ST6GALNAC1: variants seen among roughly 807,000 people sequenced by gnomAD.
The protein encoded by ST6GALNAC1 is alpha-N-acetylgalactosaminide alpha-2,6-sialyltransferase 1.
In ST6GALNAC1, 45 loss-of-function variants were observed where a neutral mutation model predicts 56.8. That is an observed-to-expected ratio of 0.79 (90% CI 0.62 to 1.02). The LOEUF (loss-of-function observed/expected upper bound fraction) is 1.02. ST6GALNAC1 is among the 50% of genes least tolerant of loss of function. The pLI, the probability that ST6GALNAC1 is intolerant of heterozygous loss-of-function variation, is 0.00. For missense variants in ST6GALNAC1, 743 were observed against 754.8 expected (o/e 0.98, Z 0.18); for synonymous variants, 295 against 297.8 (o/e 0.99, Z 0.10).
At position 76,643,596 on chromosome 17, in the gene ST6GALNAC1, C is replaced by T. The variant is rs567472790; in HGVS notation, c.43G>A (p.Val15Ile). 8.4e-5 allele frequency: 135 copies of T among 1,614,100 alleles called. No individual in the cohort carries two copies. In the East Asian group the frequency reaches 2.0e-3, roughly 24 times the overall value. Residue 15 changes from valine to isoleucine, a missense_variant, in exon 1 of 9, where the codon GTC (valine) becomes ATC (isoleucine). Physicochemically the swap from Val to Ile is conservative, Grantham distance 29 (BLOSUM62 3). Coordinates refer to ENST00000156626, the MANE Select transcript of ST6GALNAC1 (RefSeq NM_018414.5). ...ACAGCCAGAAGCAAGGACCACTGGA[C>T]GCCTTGGCTCAGGTGCCTGCATCTC... ...LWRCRHLSQG[V>I]QWSLLLAVLV...
chr17:76,629,493 T>C lies in ST6GALNAC1; in HGVS notation c.350A>G (p.His117Arg), dbSNP rs2075861235. The change falls in exon 2 of 9, where the codon CAC (histidine) becomes CGC (arginine). Residue 117 changes from histidine (H) to arginine (R), a missense_variant. Coordinates refer to ENST00000156626, the MANE Select transcript of ST6GALNAC1 (RefSeq NM_018414.5). ...APPEEQDKVP[H>R]TAQRAAWKSP... is the part of the protein sequence containing the mutation. ...CTTCCATGCTGCCCTCTGTGCTGTG[T>C]GGGGCACCTTGTCCTGCTCCTCCGG... 8 of 1,614,100 alleles carry C rather than the reference T, an allele frequency of 5.0e-6. No individual in the cohort carries two copies. Among genetic ancestry groups the C allele is most frequent in the Non-Finnish European group, 6.8e-6 (8 of 1,180,010 alleles).
intron 1 of ST6GALNAC1, chr17:76,637,379 G>T: frequency 1.6e-5 from 3 of 183,198 alleles, no homozygotes; most frequent in Non-Finnish European, 2.1e-5. Flanking sequence ...ACATAGAACA[G>T]TCACCACAAG....
chr17:76,621,943 C>CTTTTTTTTTTTTTTTTTTT (rs71158041), downstream of ST6GALNAC1, among the ~76,000 whole-genome samples: 1 of 138,034 alleles, frequency 7.2e-6, no homozygotes, highest in Non-Finnish European at 1.6e-5. Flanking sequence ...TCTTTCTTTT[C>CTTTTTTTTTTTTTTTTTTT]TTTTTTTTTT....
the ST6GALNAC1 span, among the ~76,000 whole-genome samples, chr17:76,618,005 T>C: frequency 0.9 from 137,235 of 152,268 alleles, 62,344 homozygotes; most frequent in Non-Finnish European, 0.96. Flanking sequence ...ATGTTCCATC[T>C]TCCAGGCAAG....
chr17:76,625,901 G>A lies in ST6GALNAC1; in HGVS notation c.1523C>T (p.Thr508Ile), dbSNP rs772947097. The A allele has an allele frequency of 1.9e-6, 3 of 1,579,056 alleles. No individual in the cohort carries two copies. Among genetic ancestry groups the A allele is most frequent in the Middle Eastern group, 1.7e-4 (1 of 5,886 alleles). ...TATCCTCCAGTGGGCACCATCCAGG[G>A]TCTTAGACCTCAGAAACCTGTGAAA... Reference protein sequence around the residue: ...YMKNRFLRSKTLDGAHWRIYR... With the variant: ...YMKNRFLRSKILDGAHWRIYR... Residue 508 changes from threonine to isoleucine, a missense_variant, in exon 8 of 9, where the codon ACC (threonine) becomes ATC (isoleucine). By Grantham distance (89) the Thr-to-Ile change is moderately conservative. Transcript: ENST00000156626.
downstream of ST6GALNAC1, among the ~76,000 whole-genome samples, chr17:76,621,328 G>A (rs372997492): frequency 2.0e-5 from 3 of 150,934 alleles, no homozygotes. Flanking sequence ...GACTACAGGT[G>A]CACGCCACCA....
At chr17:76,638,991 G>A (rs117017033) in intron 1 of ST6GALNAC1, among the ~76,000 whole-genome samples, 7 of 152,136 alleles carry the variant, frequency 4.6e-5, no homozygotes, top group East Asian at 1.9e-4. Flanking sequence ...AACTGTCCTC[G>A]CTCACGGTCT....
chr17:76,618,419 T>C, the ST6GALNAC1 span, among the ~76,000 whole-genome samples: 1 of 152,098 alleles, frequency 6.6e-6, no homozygotes, highest in Admixed American at 6.6e-5. Flanking sequence ...AATTTATCAA[T>C]AGGAAAGATA....
In ST6GALNAC1 at chr17:76,625,388, T is replaced by C. The variant is rs779676226; in HGVS notation, c.1745A>G (p.Glu582Gly). The C allele has an allele frequency of 6.2e-7, 1 of 1,614,180 alleles. No individual in the cohort carries two copies. ...EREVWKRLHD[E>G]GIIRLYQRPG... ...ACGCTGGTACAGCCGGATTATCCCT[T>C]CATCGTGTAGCCGCTTCCAGACTTC... The change falls in exon 9 of 9, where the codon GAA (glutamate) becomes GGA (glycine). Residue 582 changes from glutamate to glycine, a missense_variant. Transcript: ENST00000156626.
the ST6GALNAC1 span, among the ~76,000 whole-genome samples, chr17:76,619,744 T>G: frequency 2.9e-5 from 3 of 103,610 alleles, no homozygotes; most frequent in African/African-American, 9.6e-5. Context: ...ATGTTAGTTT[T>G]TTTTTTTTTT....
At position 76,627,600 on chromosome 17, in the gene ST6GALNAC1, G is replaced by C; in HGVS notation, c.832-17C>G. On this transcript the variant is annotated splice_polypyrimidine_tract_variant and intron_variant, in intron 2 of 8. Coordinates refer to ENST00000156626, the MANE Select transcript of ST6GALNAC1 (RefSeq NM_018414.5). This position sits in a 1 kb window ranked among gnomAD's most constrained non-coding sequence, Gnocchi z 4.4. ...AGGGCAAGTCTATATACAGGAGGAC[G>C]AAGTCAGGAAGGGAGAGACCCAGAA... is the stretch of plus-strand genomic sequence containing the variant. 1 of 1,611,724 alleles carries C rather than the reference G, an allele frequency of 6.2e-7. No individual in the cohort carries two copies. Among genetic ancestry groups the C allele is most frequent in the East Asian group, 2.2e-5 (1 of 44,864 alleles).
intron 5 of ST6GALNAC1, 103 bp from the exon 6 acceptor site, chr17:76,626,495 C>T: frequency 6.7e-7 from 1 of 1,489,964 alleles, no homozygotes. Flanking sequence ...CTGCTCTGGA[C>T]TGGTCTGACT....
At chr17:76,623,974 T>C (rs1419022070), downstream of ST6GALNAC1, among the ~76,000 whole-genome samples, 1 of 152,212 alleles carries the variant, frequency 6.6e-6, no homozygotes, top group Non-Finnish European at 1.5e-5. Context: ...GACTAGAGCT[T>C]TGTGGGGGAA....
intron 4 of ST6GALNAC1, 133 bp from the exon 5 acceptor site, chr17:76,626,922 C>G: frequency 6.8e-7 from 1 of 1,477,246 alleles, no homozygotes; most frequent in Non-Finnish European, 9.3e-7. Flanking sequence ...CCCAGGAATT[C>G]CACCTTCCAG....
intron 5 of ST6GALNAC1, 87 bp downstream of exon 5, chr17:76,626,564 G>A (rs1028245008): frequency 2.7e-5 from 42 of 1,582,690 alleles, no homozygotes; most frequent in Middle Eastern, 4.4e-4. Flanking sequence ...GACTCCATCC[G>A]GATGAAAGCC....
Position 76,627,607 on chromosome 17 carries a change from G to C in ST6GALNAC1, c.832-24C>G, listed in dbSNP as rs199873370. The C allele has an allele frequency of 1.3e-4, 209 of 1,609,882 alleles. No homozygotes were observed. Among genetic ancestry groups the C allele is most frequent in the Non-Finnish European group, 1.6e-4 (194 of 1,177,912 alleles). The stretch of plus-strand genomic sequence containing the variant: ...GTCTATATACAGGAGGACGAAGTCA[G>C]GAAGGGAGAGACCCAGAAAGGCCAT... On this transcript the variant is annotated intron_variant, in intron 2 of 8. Transcript: ENST00000156626. This position sits in a 1 kb window ranked among gnomAD's most constrained non-coding sequence, Gnocchi z 4.4.
intron 1 of ST6GALNAC1, among the ~76,000 whole-genome samples, chr17:76,630,583 C>T (rs1264693486): frequency 4.0e-5 from 6 of 148,698 alleles, no homozygotes. Context: ...CCTTGAAACC[C>T]TTCTTTTTTT....
In ST6GALNAC1 at chr17:76,624,804, C is replaced by A. The variant is rs2075773034; in HGVS notation, c.*526G>T. On this transcript the variant is annotated 3_prime_UTR_variant, in exon 9 of 9. Coordinates refer to ENST00000156626, the MANE Select transcript of ST6GALNAC1 (RefSeq NM_018414.5). ...TATTTGCCTTTCCATGGACAACAATCATTTGTATTATTATCAGTTTTCTAC... is the reference window on the plus strand; with the variant it reads ...TATTTGCCTTTCCATGGACAACAATAATTTGTATTATTATCAGTTTTCTAC... The A allele has an allele frequency of 6.5e-6, 1 of 153,656 alleles. No homozygotes were observed. The highest frequency in any genetic ancestry group is 2.4e-5 in the African/African-American group (1 of 41,440). 9.5% of individuals were successfully genotyped at this position (153,656 alleles called of 1,614,324 possible). A position where few individuals can be genotyped will look rare whatever the true frequency, so the allele number is the denominator to read the frequency against.
chr17:76,630,801 GA>G (rs2075883391), intron 1 of ST6GALNAC1, among the ~76,000 whole-genome samples: 1 of 150,878 alleles, frequency 6.6e-6, no homozygotes, highest in Non-Finnish European at 1.5e-5. Flanking sequence ...ATGTTGGCCA[GA>G]ATGGTCTTGA....
Sources: gnomAD v4.1 joint callset for allele counts (sites outside exome capture counted in the v4.1 genomes callset) on GRCh38, gnomAD v4.1.1 for gene constraint, Gnocchi (gnomAD v3.1) non-coding constraint, MANE v1.5 for transcripts, NCBI Gene and HGNC (gene_info 2026-07-23, HGNC 2026-07-21) for gene names.